The following TRAM2 variants were observed in gnomAD, a reference collection of about 807,000 sequenced individuals.
TRAM2 encodes the protein translocating chain-associated membrane protein 2.
A neutral mutation model predicts 51.0 loss-of-function variants in TRAM2; 12 were observed. The observed-to-expected ratio is 0.24, with a 90% CI of 0.15 to 0.38. The LOEUF (loss-of-function observed/expected upper bound fraction) is 0.38. Among genes scored for constraint, TRAM2 ranks in the 10% least tolerant of loss-of-function variants. The probability of loss-of-function intolerance (pLI) is 1.00; values close to 1 mark genes in which losing one functional copy is unlikely to be tolerated. For synonymous variants in TRAM2, 175 were observed against 179.4 expected (o/e 0.98, Z 0.20); for missense variants, 361 against 462.0 (o/e 0.78, Z 2.00).
At chr6:52,510,959 G>T (rs1363789267) in intron 4 of TRAM2, among the ~76,000 whole-genome samples, 2 of 152,190 alleles carry the variant, frequency 1.3e-5, no homozygotes, top group Non-Finnish European at 2.9e-5. Flanking sequence ...AATGAATGAT[G>T]AATGCTTTGG....
At chr6:52,506,218 C>A in intron 7 of TRAM2, 82 bp from the exon 8 acceptor site, 1 of 1,285,442 alleles carries the variant, frequency 7.8e-7, no homozygotes, top group South Asian at 1.2e-5. Context: ...CTCAGGCTGT[C>A]CCCTGTGCCT....
intron 1 of TRAM2, among the ~76,000 whole-genome samples, chr6:52,556,660 G>A (rs1317211386): frequency 6.6e-6 from 1 of 152,058 alleles, no homozygotes; most frequent in South Asian, 2.1e-4. Flanking sequence ...AGGCACAGTG[G>A]CTCATGCCTG....
intron 1 of TRAM2, among the ~76,000 whole-genome samples, chr6:52,546,998 ACTGGTAAATG>A (rs147445522): frequency 0.025 from 3,816 of 152,258 alleles, 446 homozygotes; most frequent in Admixed American, 0.21. Flanking sequence ...ACCAGAGGTC[ACTGGTAAATG>A]CTGCCAAAGC....
At chr6:52,505,546 GC>G (rs1766331526) in intron 9 of TRAM2, 52 bp downstream of exon 9, 3 of 1,545,750 alleles carry the variant, frequency 1.9e-6, no homozygotes, top group Non-Finnish European at 2.6e-6. Flanking sequence ...CAAGGGCTGT[GC>G]CAAGTTCAGG....
rs180762609 is a variant in TRAM2, at chr6:52,539,123, C to T, written c.121-3277G>A. ...CATGAGGCACATCATAGTCATCCTA[C>T]GCTTAGGATGCTAGACAGCACTTCT... On this transcript the variant is annotated intron_variant, in intron 1 of 10. Coordinates refer to ENST00000182527, the MANE Select transcript of TRAM2 (RefSeq NM_012288.4). Among the ~76,000 whole-genome samples, 154 of 152,292 alleles carry T rather than the reference C, an allele frequency of 1.0e-3. 1 individual carries two copies. Among genetic ancestry groups the T allele is most frequent in the African/African-American group, 3.4e-3 (143 of 41,568 alleles).
At chr6:52,548,770 G>T (rs1283813543) in intron 1 of TRAM2, among the ~76,000 whole-genome samples, 3 of 152,212 alleles carry the variant, frequency 2.0e-5, no homozygotes, top group Non-Finnish European at 4.4e-5. Context: ...TTCATTTTAA[G>T]ACAAGAGATG....
chr6:52,546,824 CCAG>C (rs1767210203), intron 1 of TRAM2, among the ~76,000 whole-genome samples: 1 of 152,048 alleles, frequency 6.6e-6, no homozygotes, highest in South Asian at 2.1e-4. Context: ...TGCAGATGCC[CCAG>C]GGAGGACCAG....
intron 8 of TRAM2, 58 bp downstream of exon 8, chr6:52,505,974 C>CTCGGGGGAA: frequency 6.3e-7 from 1 of 1,586,072 alleles, no homozygotes; most frequent in Admixed American, 1.7e-5. Flanking sequence ...CCATCCGGGC[C>CTCGGGGGAA]TCGGGGGAAC....
At chr6:52,542,199 A>C (rs1767108467) in intron 1 of TRAM2, among the ~76,000 whole-genome samples, 1 of 151,804 alleles carries the variant, frequency 6.6e-6, no homozygotes, top group Admixed American at 6.6e-5. Context: ...TGAATAGGAA[A>C]ATTTCAGGCA....
intron 1 of TRAM2, among the ~76,000 whole-genome samples, chr6:52,546,109 G>A (rs779459792): frequency 4.6e-5 from 7 of 152,134 alleles, no homozygotes; most frequent in South Asian, 2.1e-4. Flanking sequence ...CACCAGCAAC[G>A]TTCTACCTGA....
At chr6:52,568,952 T>C (rs1009814329) in intron 1 of TRAM2, among the ~76,000 whole-genome samples, 1 of 152,084 alleles carries the variant, frequency 6.6e-6, no homozygotes, top group Non-Finnish European at 1.5e-5. Flanking sequence ...AGAGGTACAA[T>C]CATCAGCTCC....
intron 2 of TRAM2, among the ~76,000 whole-genome samples, chr6:52,526,956 C>T (rs1306246260): frequency 6.6e-6 from 1 of 151,996 alleles, no homozygotes; most frequent in East Asian, 1.9e-4. Flanking sequence ...AATAATCTCT[C>T]AAGAATCACA....
At position 52,516,672 on chromosome 6, in the gene TRAM2, T is replaced by C. The variant is rs183224983; in HGVS notation, c.250A>G (p.Ile84Val). 16 of 1,614,118 alleles carry C rather than the reference T, an allele frequency of 9.9e-6. No individual in the cohort carries two copies. The East Asian group carries it at 3.3e-4, about 34-fold the overall frequency. ...ACCACAGCATGCAAGATGATGGTGATGAAGATGTAGAACAAGATTGTGACC... is the reference window on the plus strand; with the variant it reads ...ACCACAGCATGCAAGATGATGGTGACGAAGATGTAGAACAAGATTGTGACC... ...DLVTILFYIF[I>V]TIILHAVVQE... is the part of the protein sequence containing the mutation. The change falls in exon 3 of 11, where the codon ATC becomes GTC. Residue 84 changes from isoleucine to valine, a missense_variant. By Grantham distance (29) the Ile-to-Val change is conservative. Coordinates refer to ENST00000182527, the MANE Select transcript of TRAM2 (RefSeq NM_012288.4).
Position 52,498,839 on chromosome 6 carries a change from G to C in TRAM2, c.*4358C>G, listed in dbSNP as rs1020251378. The stretch of plus-strand genomic sequence containing the variant: ...GTCGAGCCCTGGCAACTGGGGGCTG[G>C]CCACGGAGTACAAGTTGAAAACCAC... On this transcript the variant is annotated 3_prime_UTR_variant, in exon 11 of 11. Coordinates refer to ENST00000182527, the MANE Select transcript of TRAM2 (RefSeq NM_012288.4). 1.3e-5 allele frequency: 2 copies of C among 152,630 alleles called. No homozygotes were observed. Among genetic ancestry groups the C allele is most frequent in the Non-Finnish European group, 2.9e-5 (2 of 68,090 alleles). The allele number at this position is 152,630 out of a possible 1,614,324, so 9.5% of individuals were successfully genotyped here.
chr6:52,507,739 C>T, intron 6 of TRAM2, 116 bp from the exon 7 acceptor site: 1 of 933,940 alleles, frequency 1.1e-6, no homozygotes, highest in Non-Finnish European at 1.7e-6. Context: ...TGCTTTAACA[C>T]ACAGTCCCAT....
In TRAM2 at chr6:52,534,733, C is replaced by T. The variant is rs558879055; in HGVS notation, c.184+1050G>A. Among the ~76,000 whole-genome samples, 10 of 152,324 alleles carry T rather than the reference C, an allele frequency of 6.6e-5. No individual in the cohort carries two copies. In the South Asian group the frequency reaches 2.1e-3, roughly 32 times the overall value. On this transcript the variant is annotated intron_variant, in intron 2 of 10. Coordinates refer to ENST00000182527, the MANE Select transcript of TRAM2 (RefSeq NM_012288.4). ...GTGGAAAAGGAAGCTCTTAGGCTCA[C>T]AGGTTTTACACTCCTATGTGACAAT...
chr6:52,516,203 A>C (rs2114070141), intron 3 of TRAM2, 81 bp from the exon 4 acceptor site: 1 of 1,297,812 alleles, frequency 7.7e-7, no homozygotes, highest in South Asian at 1.2e-5. Flanking sequence ...TATTCTCCCC[A>C]CAGAAGGGTT....
At chr6:52,576,708 AG>A (rs1469210531) in intron 1 of TRAM2, 87 bp downstream of exon 1, 12 of 1,513,468 alleles carry the variant, frequency 7.9e-6, no homozygotes, top group Admixed American at 4.1e-5. Context: ...CTCCGATCAG[AG>A]GAGGGCCCGC....
intron 1 of TRAM2, among the ~76,000 whole-genome samples, chr6:52,547,978 C>T (rs1339605832): frequency 6.6e-6 from 1 of 152,234 alleles, no homozygotes; most frequent in East Asian, 1.9e-4. Context: ...TCATGGAAAG[C>T]ATTAGAAGTA....
Sources: allele counts gnomAD v4.1 joint callset (sites outside exome capture counted in the v4.1 genomes callset), GRCh38; gene constraint gnomAD v4.1.1; transcripts MANE v1.5; gene names NCBI Gene and HGNC (gene_info 2026-07-23, HGNC 2026-07-21).